The following LONRF2 variants were observed in gnomAD, a reference collection of about 807,000 sequenced individuals.
LONRF2 encodes LON peptidase N-terminal domain and ring finger 2.
LONRF2 carries 35 observed loss-of-function variants against 66.6 expected under a neutral mutation model. That is an observed-to-expected ratio of 0.53 (90% confidence interval 0.40 to 0.70). The LOEUF (loss-of-function observed/expected upper bound fraction) is 0.70, where lower values mean the gene tolerates loss of function less well. LONRF2 is among the 30% of genes least tolerant of loss of function. The pLI is 0.00. For synonymous variants in LONRF2, 417 were observed against 418.1 expected (o/e 1.00, Z 0.03); for missense variants, 902 against 1,002.1 (o/e 0.90, Z 1.35).
In LONRF2 at chr2:100,281,424, C is replaced by A. The variant is rs1674714857; in HGVS notation, c.*2874G>T. 1 of 152,030 alleles carries A rather than the reference C, an allele frequency of 6.6e-6. No homozygotes were observed. Among genetic ancestry groups the A allele is most frequent in the Admixed American group, 6.6e-5 (1 of 15,262 alleles). 9.4% of individuals were successfully genotyped at this position (152,030 alleles called of 1,614,324 possible). ...GAATTATTGTGTTTCTATGGATAAA[C>A]CTTAACATTTTAAATTATTTTCTTT... On this transcript the variant is annotated 3_prime_UTR_variant, in exon 12 of 12. Transcript: ENST00000393437.
Position 100,282,400 on chromosome 2 carries a change from G to A in LONRF2, c.*1898C>T, listed in dbSNP as rs1674758039. On this transcript the variant is annotated 3_prime_UTR_variant, in exon 12 of 12. Coordinates refer to ENST00000393437, the MANE Select transcript of LONRF2 (RefSeq NM_198461.4). ...TGGAAATGGCATTGATAACTATTCA[G>A]CTGTGATATGAAGGTACAAAAAAAT... is the stretch of plus-strand genomic sequence containing the variant. 6.6e-6 allele frequency: 1 copy of A among 152,176 alleles called. No homozygotes were observed. The highest frequency in any genetic ancestry group is 1.5e-5 in the Non-Finnish European group (1 of 68,034). The allele number at this position is 152,176 out of a possible 1,614,324, so 9.4% of individuals were successfully genotyped here.
intron 11 of LONRF2, 40 bp from the exon 12 acceptor site, chr2:100,284,532 A>G (rs1222192249): frequency 2.1e-6 from 3 of 1,459,338 alleles, no homozygotes; most frequent in Non-Finnish European, 2.7e-6. Flanking sequence ...TAACACTGGA[A>G]ATGCAAGCCT....
intron 3 of LONRF2, among the ~76,000 whole-genome samples, chr2:100,301,056 C>T (rs1675176062): frequency 6.6e-6 from 1 of 152,108 alleles, no homozygotes; most frequent in Non-Finnish European, 1.5e-5. Flanking sequence ...GGTCCTTACA[C>T]ACTATATAAA....
chr2:100,286,988 A>G lies in LONRF2; in HGVS notation c.1996T>C (p.Ser666Pro). ...VHQQSVSWFASLQDRMKEQIL... is the reference protein window; with the variant it reads ...VHQQSVSWFAPLQDRMKEQIL... Reference sequence around the variant, plus strand: ...TGTTCTTTCATGCGATCCTGGAGAGACGCGAACCAGGAAACAGACTGTTGA... The same window carrying G: ...TGTTCTTTCATGCGATCCTGGAGAGGCGCGAACCAGGAAACAGACTGTTGA... The change falls in exon 11 of 12, where the codon TCT becomes CCT. Residue 666 changes from serine to proline, a missense_variant. Ser to Pro is a moderately conservative substitution (Grantham distance 74). Transcript: ENST00000393437. The G allele has an allele frequency of 6.2e-7, 1 of 1,614,146 alleles. No individual in the cohort carries two copies. Among genetic ancestry groups the G allele is most frequent in the Middle Eastern group, 1.6e-4 (1 of 6,062 alleles).
intron 1 of LONRF2, among the ~76,000 whole-genome samples, chr2:100,317,500 A>G (rs529160325): frequency 2.2e-4 from 33 of 152,172 alleles, no homozygotes; most frequent in African/African-American, 7.5e-4. Context: ...AGACATTATT[A>G]TTGTTATTTG....
chr2:100,307,014 G>A (rs188400030), intron 2 of LONRF2, among the ~76,000 whole-genome samples: 188 of 150,318 alleles, frequency 1.3e-3, no homozygotes, highest in African/African-American at 3.9e-3. Context: ...TCCGCCTCCC[G>A]GGTTGACGCC....
At chr2:100,318,953 A>G (rs1467382324) in intron 1 of LONRF2, among the ~76,000 whole-genome samples, 1 of 151,864 alleles carries the variant, frequency 6.6e-6, no homozygotes, top group Non-Finnish European at 1.5e-5. Context: ...AACATGGTGA[A>G]ACCCTGTCTC....
Position 100,298,805 on chromosome 2 carries a change from G to T in LONRF2, c.1476+31C>A. The T allele has an allele frequency of 3.3e-6, 5 of 1,506,886 alleles. No homozygotes were observed. The South Asian group carries it at 4.5e-5, about 14-fold the overall frequency. 93.3% of individuals were successfully genotyped at this position (1,506,886 alleles called of 1,614,324 possible). On this transcript the variant is annotated intron_variant, in intron 7 of 11. Transcript: ENST00000393437. Reference sequence around the variant, plus strand: ...CGTCCACCAAGGGATGAGAGGAGGAGCTGTCCCGTCATTTCCTAAAGTGTA... The same window carrying T: ...CGTCCACCAAGGGATGAGAGGAGGATCTGTCCCGTCATTTCCTAAAGTGTA...
In LONRF2 at chr2:100,274,650, C is replaced by T. The variant is rs978315816; in HGVS notation, c.*9648G>A. 2 of 152,472 alleles carry T rather than the reference C, an allele frequency of 1.3e-5. No homozygotes were observed. Among genetic ancestry groups the T allele is most frequent in the African/African-American group, 4.8e-5 (2 of 41,438 alleles). The allele number at this position is 152,472 out of a possible 1,614,324, so 9.4% of individuals were successfully genotyped here. On this transcript the variant is annotated 3_prime_UTR_variant, in exon 12 of 12. Coordinates refer to ENST00000393437, the MANE Select transcript of LONRF2 (RefSeq NM_198461.4). ...TCCACTGCAGAAGGCAGTATCCCCT[C>T]ACCCTGATCACCCAGGGCCAGGCAC...
chr2:100,303,119 C>G, intron 2 of LONRF2, 76 bp from the exon 3 acceptor site: 1 of 1,351,184 alleles, frequency 7.4e-7, no homozygotes, highest in East Asian at 2.5e-5. Flanking sequence ...CTTCCCTGAA[C>G]AAATTTATTA....
chr2:100,274,860 CT>C lies in LONRF2; in HGVS notation c.*9437del. 1 of 152,614 alleles carries C rather than the reference CT, an allele frequency of 6.6e-6. No homozygotes were observed. The highest frequency in any genetic ancestry group is 1.5e-5 in the Non-Finnish European group (1 of 68,194). The allele number at this position is 152,614 out of a possible 1,614,324, so 9.5% of individuals were successfully genotyped here. On this transcript the variant is annotated 3_prime_UTR_variant, in exon 12 of 12. Transcript: ENST00000393437. Reference sequence around the variant, plus strand: ...TGGCCCTGCGTGGCCTGGTGCGCTCCTTTTCTCCAGAAATGCAAGTAACAAA... The same window carrying C: ...TGGCCCTGCGTGGCCTGGTGCGCTCCTTTCTCCAGAAATGCAAGTAACAAA...
chr2:100,293,813 C>G (rs764382030), intron 9 of LONRF2, among the ~76,000 whole-genome samples: 8 of 152,160 alleles, frequency 5.3e-5, no homozygotes, highest in Non-Finnish European at 1.0e-4. Flanking sequence ...CTCCTGGGCT[C>G]AAGCGATTCT....
intron 2 of LONRF2, among the ~76,000 whole-genome samples, chr2:100,303,945 G>A (rs140350186): frequency 7.4e-4 from 112 of 151,554 alleles, no homozygotes; most frequent in African/African-American, 2.5e-3. Flanking sequence ...TTGCACATAC[G>A]TTGTACCACT....
Position 100,275,748 on chromosome 2 carries a change from C to T in LONRF2, c.*8550G>A, listed in dbSNP as rs1471236705. ...TACGTGAGCCTGTAACCACCCCCCACCAGTGTGCCTGGGCACTCTGAACAC... is the reference window on the plus strand; with the variant it reads ...TACGTGAGCCTGTAACCACCCCCCATCAGTGTGCCTGGGCACTCTGAACAC... On this transcript the variant is annotated 3_prime_UTR_variant, in exon 12 of 12. Coordinates refer to ENST00000393437, the MANE Select transcript of LONRF2 (RefSeq NM_198461.4). 2 of 152,182 alleles carry T rather than the reference C, an allele frequency of 1.3e-5. No homozygotes were observed. Among genetic ancestry groups the T allele is most frequent in the Non-Finnish European group, 2.9e-5 (2 of 68,050 alleles). The allele number at this position is 152,182 out of a possible 1,614,324, so 9.4% of individuals were successfully genotyped here. A position where few individuals can be genotyped will look rare whatever the true frequency, so the allele number is the denominator to read the frequency against.
rs954586574 is a variant in LONRF2, at chr2:100,272,900, T to A, written c.*11398A>T. 7.9e-5 allele frequency among the ~76,000 whole-genome samples: 12 copies of A among 152,220 alleles called. No homozygotes were observed. The highest frequency in any genetic ancestry group is 7.2e-4 in the Admixed American group (11 of 15,280). ...CTTTTTTTTCCTACTAAAATTAAAT[T>A]GGAATCGTTCCACATCTGCACTGTG... On this transcript the variant is annotated 3_prime_UTR_variant, in exon 12 of 12. Transcript: ENST00000393437.
Position 100,290,439 on chromosome 2 carries a change from G to A in LONRF2, c.1758-19C>T. The A allele has an allele frequency of 6.3e-7, 1 of 1,587,644 alleles. No individual in the cohort carries two copies. Among genetic ancestry groups the A allele is most frequent in the Non-Finnish European group, 8.6e-7 (1 of 1,168,374 alleles). On this transcript the variant is annotated intron_variant, in intron 9 of 11. Coordinates refer to ENST00000393437, the MANE Select transcript of LONRF2 (RefSeq NM_198461.4). ...TGAAAGCCTGAAAAGACAGTTAGGA[G>A]AAATGACTGTGATTTTTAAAATGCA...
chr2:100,319,627 T>C (rs1395606427), intron 1 of LONRF2, among the ~76,000 whole-genome samples: 1 of 152,272 alleles, frequency 6.6e-6, no homozygotes, highest in Non-Finnish European at 1.5e-5. Context: ...GTCTGGCTTC[T>C]TCCACTTAAC....
intron 1 of LONRF2, among the ~76,000 whole-genome samples, chr2:100,310,720 G>A (rs930880428): frequency 6.6e-6 from 1 of 152,190 alleles, no homozygotes; most frequent in South Asian, 2.1e-4. Context: ...AGAGCAGGTG[G>A]CAGAAACTTT....
chr2:100,309,146 A>G lies in LONRF2; in HGVS notation c.759T>C (p.Asp253=), dbSNP rs1284626422. The G allele has an allele frequency of 5.6e-6, 9 of 1,606,286 alleles. No homozygotes were observed. The highest frequency in any genetic ancestry group is 1.3e-5 in the African/African-American group (1 of 74,638). The change falls in exon 2 of 12, where the codon GAT becomes GAC. Residue 253 remains aspartate (D), a synonymous_variant. Transcript: ENST00000393437. The part of the protein sequence containing the change: ...TMKNYEQALQ[D]ASAACQNEPL... ...GTTCATTCTGACAAGCTGCACTGGC[A>G]TCTTGGAGAGCTTGCTCATAGTTCT...
Sources: allele counts gnomAD v4.1 joint callset (sites outside exome capture counted in the v4.1 genomes callset), GRCh38; gene constraint gnomAD v4.1.1; transcripts MANE v1.5; gene names NCBI Gene and HGNC (gene_info 2026-07-23, HGNC 2026-07-21).